Variants in MTRFR observed in about 807,000 individuals in gnomAD.
MTRFR encodes probable peptide chain release factor C12orf65, mitochondrial.
A neutral mutation model predicts 11.9 loss-of-function variants in MTRFR; 10 were observed. That is an observed-to-expected ratio of 0.84 (90% confidence interval 0.52 to 1.42). MTRFR has a LOEUF of 1.42. MTRFR is among the 40% of genes most tolerant of loss of function. The probability of loss-of-function intolerance (pLI) is 0.00; values close to 1 mark genes in which losing one functional copy is unlikely to be tolerated. For synonymous variants in MTRFR, 77 were observed against 79.1 expected (o/e 0.97, Z 0.14); for missense variants, 196 against 197.9 (o/e 0.99, Z 0.06).
At chr12:123,246,954 C>T (rs2048051776) in intron 1 of MTRFR, among the ~76,000 whole-genome samples, 1 of 151,802 alleles carries the variant, frequency 6.6e-6, no homozygotes. Context: ...TGGTCTCAAT[C>T]TCCCGACCTT....
intron 1 of MTRFR, among the ~76,000 whole-genome samples, chr12:123,247,842 G>A (rs1041269439): frequency 6.6e-6 from 1 of 152,066 alleles, no homozygotes; most frequent in Non-Finnish European, 1.5e-5. Flanking sequence ...CTACTTGGGA[G>A]GCTGAGGCAG....
chr12:123,244,960 T>A (rs1412923550), intron 1 of MTRFR, among the ~76,000 whole-genome samples: 54 of 118,504 alleles, frequency 4.6e-4, no homozygotes, highest in African/African-American at 1.5e-3. Context: ...TTTTTTTTTT[T>A]AGACAGAGTC....
chr12:123,256,925 G>C lies in MTRFR; in HGVS notation c.395G>C (p.Arg132Pro), dbSNP rs368398729. The change falls in exon 3 of 3, where the codon CGA becomes CCA. Residue 132 changes from arginine to proline, a missense_variant. Coordinates refer to ENST00000253233, the MANE Select transcript of MTRFR (RefSeq NM_152269.5). Reference sequence around the variant, plus strand: ...AACAGTCCTGTTCACAAAGAAAAACGAGAAGCGGCGAAGAAAAAACAAGAA... The same window carrying C: ...AACAGTCCTGTTCACAAAGAAAAACCAGAAGCGGCGAAGAAAAAACAAGAA... The part of the protein sequence containing the change: ...GENSPVHKEK[R>P]EAAKKKQERK... 8.1e-6 allele frequency: 13 copies of C among 1,613,624 alleles called. No individual in the cohort carries two copies. The highest frequency in any genetic ancestry group is 1.1e-5 in the Non-Finnish European group (13 of 1,179,908).
chr12:123,253,957 G>T lies in MTRFR; in HGVS notation c.282+1G>T. The T allele has an allele frequency of 6.2e-7, 1 of 1,614,110 alleles. No individual in the cohort carries two copies. The highest frequency in any genetic ancestry group is 8.5e-7 in the Non-Finnish European group (1 of 1,179,988). On this transcript the variant is annotated splice_donor_variant, in intron 2 of 2. Coordinates refer to ENST00000253233, the MANE Select transcript of MTRFR (RefSeq NM_152269.5). LOFTEE classifies it high-confidence loss of function. The stretch of plus-strand genomic sequence containing the variant: ...CATCCCCTCAGGCATCGTTGTAAAG[G>T]TAGATCACAGAAGGCCGCTGAGGGG...
intron 1 of MTRFR, among the ~76,000 whole-genome samples, chr12:123,238,513 G>A (rs2047885230): frequency 6.6e-6 from 1 of 152,112 alleles, no homozygotes; most frequent in Non-Finnish European, 1.5e-5. Context: ...GCTCATGACT[G>A]TAATCCCAGC....
At chr12:123,236,111 G>T (rs957396355) in intron 1 of MTRFR, among the ~76,000 whole-genome samples, 1 of 151,910 alleles carries the variant, frequency 6.6e-6, no homozygotes, top group Admixed American at 6.6e-5. Flanking sequence ...TAAGGAAAAG[G>T]AGCTAACATT....
At chr12:123,256,698 A>G (rs558193744) in intron 2 of MTRFR, 115 bp from the exon 3 acceptor site, 109 of 831,318 alleles carry the variant, frequency 1.3e-4, no homozygotes, top group Non-Finnish European at 2.0e-4. Flanking sequence ...CTCTGTCTCA[A>G]TAAATAAATA....
intron 1 of MTRFR, among the ~76,000 whole-genome samples, chr12:123,235,258 A>C (rs1455294508): frequency 6.6e-6 from 1 of 152,228 alleles, no homozygotes; most frequent in Admixed American, 6.5e-5. Flanking sequence ...AAAGTTACCC[A>C]GTAAGTAAAT....
intron 1 of MTRFR, 132 bp downstream of exon 1, chr12:123,233,663 C>G (rs1161767541): frequency 6.6e-6 from 1 of 152,500 alleles, no homozygotes; most frequent in Non-Finnish European, 1.5e-5. Flanking sequence ...GCCAGTTTAC[C>G]TGAGGCCGCG....
At chr12:123,241,444 TCTC>T (rs1470335764) in intron 1 of MTRFR, among the ~76,000 whole-genome samples, 2 of 152,108 alleles carry the variant, frequency 1.3e-5, no homozygotes, top group African/African-American at 4.8e-5. Context: ...TTCAAGCAAT[TCTC>T]CTGCCTCAGT....
intron 2 of MTRFR, among the ~76,000 whole-genome samples, chr12:123,255,185 TAGAG>T (rs1012557562): frequency 2.0e-5 from 3 of 152,100 alleles, no homozygotes; most frequent in African/African-American, 4.8e-5. Flanking sequence ...ATCTGGGACA[TAGAG>T]AGGCTAAGTG....
At chr12:123,244,218 A>C (rs914545201) in intron 1 of MTRFR, among the ~76,000 whole-genome samples, 1 of 152,174 alleles carries the variant, frequency 6.6e-6, no homozygotes, top group African/African-American at 2.4e-5. Flanking sequence ...GGATCACCTC[A>C]GGTCAGGAGT....
chr12:123,243,030 C>G (rs1333180549), intron 1 of MTRFR, among the ~76,000 whole-genome samples: 1 of 152,154 alleles, frequency 6.6e-6, no homozygotes. Context: ...CTCAATCTTT[C>G]GTAGGTAAGG....
At position 123,236,603 on chromosome 12, in the gene MTRFR, AAAAG is replaced by A. The variant is rs1172704013; in HGVS notation, c.-29+3075_-29+3078del. Among the ~76,000 whole-genome samples the A allele has an allele frequency of 4.6e-5, 7 of 152,186 alleles. No individual in the cohort carries two copies. The East Asian group carries it at 7.7e-4, about 17-fold the overall frequency. On this transcript the variant is annotated intron_variant, in intron 1 of 2. Coordinates refer to ENST00000253233, the MANE Select transcript of MTRFR (RefSeq NM_152269.5). Reference sequence around the variant, plus strand: ...GGGAGACCCTGTCTCAAAAAAAAAAAAAAGAAGAAGAAACTGCTTTGGTTTGTAT... The same window carrying A: ...GGGAGACCCTGTCTCAAAAAAAAAAAAAGAAGAAACTGCTTTGGTTTGTAT...
At chr12:123,251,944 A>C (rs948453301) in intron 1 of MTRFR, 1 of 152,430 alleles carries the variant, frequency 6.6e-6, no homozygotes, top group East Asian at 1.9e-4. Context: ...AGCCAGTCTG[A>C]GTCCCAAAAC....
chr12:123,256,512 A>G (rs1254419890), intron 2 of MTRFR, among the ~76,000 whole-genome samples: 1 of 152,206 alleles, frequency 6.6e-6, no homozygotes, highest in African/African-American at 2.4e-5. Flanking sequence ...CCTGGCCAAC[A>G]TGGTGAAACC....
At chr12:123,241,344 T>G (rs1461572716) in intron 1 of MTRFR, among the ~76,000 whole-genome samples, 4 of 152,074 alleles carry the variant, frequency 2.6e-5, no homozygotes, top group Admixed American at 2.6e-4. Context: ...TTGTTGTTGT[T>G]TTTTGAGACA....
chr12:123,245,964 G>A (rs2048033810), intron 1 of MTRFR, among the ~76,000 whole-genome samples: 2 of 152,268 alleles, frequency 1.3e-5, no homozygotes, highest in Admixed American at 6.5e-5. Flanking sequence ...GTGAGAGTAG[G>A]AATTCTTGTC....
chr12:123,240,847 C>G (rs578089870), intron 1 of MTRFR, among the ~76,000 whole-genome samples: 8 of 149,840 alleles, frequency 5.3e-5, no homozygotes, highest in African/African-American at 2.0e-4. Flanking sequence ...GATTCTCCTG[C>G]CTCAGCCTCA....
Sources: allele counts gnomAD v4.1 joint callset (sites outside exome capture counted in the v4.1 genomes callset), GRCh38; gene constraint gnomAD v4.1.1; transcripts MANE v1.5; gene names NCBI Gene and HGNC (gene_info 2026-07-23, HGNC 2026-07-21).